The following CWC27 variants were observed in gnomAD, a reference collection of about 807,000 sequenced individuals.
The protein encoded by CWC27 is spliceosome-associated protein CWC27 homolog.
CWC27 carries 47 observed loss-of-function variants against 63.6 expected under a neutral mutation model. The ratio of observed to expected loss-of-function variants is 0.74; its 90% CI spans 0.58 to 0.94. CWC27 has a LOEUF of 0.94. Among genes scored for constraint, CWC27 ranks in the 40% least tolerant of loss-of-function variants. The pLI is 0.00. For missense variants in CWC27, 495 were observed against 554.3 expected (o/e 0.89, Z 1.07); for synonymous variants, 175 against 179.8 (o/e 0.97, Z 0.22).
intron 11 of CWC27, among the ~76,000 whole-genome samples, chr5:64,895,273 T>C (rs760158798): frequency 3.3e-5 from 5 of 151,894 alleles, no homozygotes; most frequent in Non-Finnish European, 7.4e-5. Context: ...GCATATGATA[T>C]GTGAAAAACT....
At chr5:64,904,075 A>C (rs1234758943) in intron 11 of CWC27, among the ~76,000 whole-genome samples, 2 of 152,348 alleles carry the variant, frequency 1.3e-5, no homozygotes, top group East Asian at 1.9e-4. Context: ...CTTCATGAGC[A>C]GTCTCCTCAA....
At chr5:65,002,297 C>G (rs1749745522) in intron 13 of CWC27, among the ~76,000 whole-genome samples, 3 of 151,896 alleles carry the variant, frequency 2.0e-5, no homozygotes, top group Admixed American at 2.0e-4. Flanking sequence ...TGTTTGTAGT[C>G]TCTGTTGTGT....
At chr5:64,898,746 C>T (rs921906518) in intron 11 of CWC27, among the ~76,000 whole-genome samples, 2 of 152,136 alleles carry the variant, frequency 1.3e-5, no homozygotes, top group Admixed American at 6.5e-5. Context: ...TCATGCAGAA[C>T]AATTCAGGGT....
At chr5:64,824,728 CTT>C (rs768576527) in intron 10 of CWC27, among the ~76,000 whole-genome samples, 3 of 91,982 alleles carry the variant, frequency 3.3e-5, no homozygotes, top group African/African-American at 4.4e-5. Flanking sequence ...TTTCTTTTCT[CTT>C]TTTTTTTTTT....
At chr5:64,863,844 T>G (rs1746475063) in intron 10 of CWC27, among the ~76,000 whole-genome samples, 1 of 152,174 alleles carries the variant, frequency 6.6e-6, no homozygotes, top group South Asian at 2.1e-4. Flanking sequence ...AGTAATACTT[T>G]GATATCACAT....
intron 1 of CWC27, among the ~76,000 whole-genome samples, chr5:64,771,590 G>A (rs1046027630): frequency 1.3e-5 from 2 of 152,170 alleles, no homozygotes; most frequent in African/African-American, 4.8e-5. Flanking sequence ...TCTTCACTTA[G>A]TGTAATGTTG....
chr5:64,799,312 G>T (rs1317434164), intron 7 of CWC27, among the ~76,000 whole-genome samples: 2 of 152,150 alleles, frequency 1.3e-5, no homozygotes, highest in African/African-American at 4.8e-5. Context: ...ACTTGGCCAG[G>T]CACAGTGGCT....
chr5:64,845,213 C>T (rs537552332), intron 10 of CWC27, among the ~76,000 whole-genome samples: 2 of 152,280 alleles, frequency 1.3e-5, no homozygotes, highest in East Asian at 3.9e-4. Context: ...CTGGCCCTTC[C>T]CAGGCTAAAC....
At chr5:64,783,346 C>T (rs1476719139) in intron 3 of CWC27, among the ~76,000 whole-genome samples, 1 of 152,062 alleles carries the variant, frequency 6.6e-6, no homozygotes, top group African/African-American at 2.4e-5. Context: ...CAACTTAGGA[C>T]TTTAAAAAGA....
intron 10 of CWC27, among the ~76,000 whole-genome samples, chr5:64,847,135 G>C (rs1304393563): frequency 1.3e-5 from 2 of 151,916 alleles, no homozygotes; most frequent in African/African-American, 4.8e-5. Context: ...GCTATATACT[G>C]TATACAAAGA....
At chr5:64,969,751 T>C (rs1020033520) in intron 11 of CWC27, among the ~76,000 whole-genome samples, 1 of 151,702 alleles carries the variant, frequency 6.6e-6, no homozygotes, top group Non-Finnish European at 1.5e-5. Flanking sequence ...CGCCATAAAG[T>C]GTGATAAGTG....
intron 10 of CWC27, among the ~76,000 whole-genome samples, chr5:64,874,306 C>T (rs1460727454): frequency 2.6e-5 from 4 of 151,316 alleles, no homozygotes; most frequent in African/African-American, 7.3e-5. Flanking sequence ...GGATTACAGG[C>T]ATGTGCCACC....
intron 2 of CWC27, among the ~76,000 whole-genome samples, chr5:64,775,667 T>G (rs1181744202): frequency 6.6e-6 from 1 of 152,184 alleles, no homozygotes; most frequent in African/African-American, 2.4e-5. Context: ...TCTAGTTTTT[T>G]TAGATTTGAG....
intron 10 of CWC27, among the ~76,000 whole-genome samples, chr5:64,827,570 T>C (rs574871648): frequency 6.6e-6 from 1 of 152,344 alleles, no homozygotes; most frequent in East Asian, 1.9e-4. Context: ...CTGACTTATT[T>C]AATCTCTGAT....
In CWC27 at chr5:64,922,788, G is replaced by C. The variant is rs150320356; in HGVS notation, c.1042+37242G>C. Reference sequence around the variant, plus strand: ...CTTTGAAGTTGTTTTCCTTTGGATAGAGCTTTTTATTTTTATGATCTTCAT... The same window carrying C: ...CTTTGAAGTTGTTTTCCTTTGGATACAGCTTTTTATTTTTATGATCTTCAT... On this transcript the variant is annotated intron_variant, in intron 11 of 13. Transcript: ENST00000381070. 2.0e-3 allele frequency among the ~76,000 whole-genome samples: 312 copies of C among 152,298 alleles called. 1 individual carries two copies. Among genetic ancestry groups the C allele is most frequent in the African/African-American group, 7.3e-3 (305 of 41,564 alleles).
At chr5:64,782,480 A>AAATAAATAAATT (rs1402439621) in intron 3 of CWC27, among the ~76,000 whole-genome samples, 1 of 151,652 alleles carries the variant, frequency 6.6e-6, no homozygotes, top group Non-Finnish European at 1.5e-5. Flanking sequence ...ATAAATAAAT[A>AAATAAATAAATT]AATTGTCTGT....
intron 11 of CWC27, among the ~76,000 whole-genome samples, chr5:64,965,194 A>T (rs1748990979): frequency 6.6e-6 from 1 of 152,238 alleles, no homozygotes; most frequent in South Asian, 2.1e-4. Context: ...TTACAGCTGT[A>T]TAATGATAGG....
intron 13 of CWC27, among the ~76,000 whole-genome samples, chr5:65,008,759 A>T (rs1385230881): frequency 6.6e-6 from 1 of 152,260 alleles, no homozygotes; most frequent in African/African-American, 2.4e-5. Flanking sequence ...TATGAAAGTT[A>T]TAAAAATAAA....
At chr5:64,977,686 G>T (rs1231305788) in intron 13 of CWC27, among the ~76,000 whole-genome samples, 1 of 151,978 alleles carries the variant, frequency 6.6e-6, no homozygotes, top group Non-Finnish European at 1.5e-5. Flanking sequence ...TGATCTACAG[G>T]ATCCTAGCAA....
Sources: gnomAD v4.1 joint callset for allele counts (sites outside exome capture counted in the v4.1 genomes callset) on GRCh38, gnomAD v4.1.1 for gene constraint, MANE v1.5 for transcripts, NCBI Gene and HGNC (gene_info 2026-07-23, HGNC 2026-07-21) for gene names.